AFF3: variants seen among roughly 807,000 people sequenced by gnomAD.
AFF3 encodes ALF transcription elongation factor 3.
AFF3 carries 32 observed loss-of-function variants against 129.7 expected under a neutral mutation model. The observed-to-expected ratio is 0.25, with a 90% CI of 0.19 to 0.33. AFF3 has a LOEUF of 0.33. Among genes scored for constraint, AFF3 ranks in the 10% least tolerant of loss-of-function variants. The pLI, the probability that AFF3 is intolerant of heterozygous loss-of-function variation, is 1.00. For missense variants in AFF3, 1,373 were observed against 1,592.0 expected, an observed-to-expected ratio of 0.86 and a Z score of 2.34; for synonymous variants, 644 against 635.4, an observed-to-expected ratio of 1.01 and a Z score of -0.20.
intron 11 of AFF3, among the ~76,000 whole-genome samples, chr2:99,701,067 G>A (rs758525982): frequency 1.6e-4 from 24 of 152,336 alleles, no homozygotes; most frequent in Non-Finnish European, 2.1e-4. Flanking sequence ...TAGGCATGCT[G>A]GACTCCATAG....
chr2:99,947,135 T>C (rs1382685933), intron 7 of AFF3, among the ~76,000 whole-genome samples: 1 of 152,124 alleles, frequency 6.6e-6, no homozygotes, highest in Admixed American at 6.6e-5. Context: ...ATATACGGGA[T>C]ATAAAGTCAG....
intron 24 of AFF3, 141 bp downstream of exon 24, chr2:99,554,170 G>A: frequency 1.1e-6 from 1 of 870,858 alleles, no homozygotes; most frequent in South Asian, 1.6e-5. Context: ...TTAGTGACAT[G>A]AGAAAATGCC....
chr2:99,919,693 A>G (rs906130392), intron 7 of AFF3, among the ~76,000 whole-genome samples: 1 of 152,186 alleles, frequency 6.6e-6, no homozygotes, highest in African/African-American at 2.4e-5. Flanking sequence ...AAATTAAACC[A>G]AAAGTATGCA....
At chr2:100,047,145 C>A (rs1262667037) in intron 4 of AFF3, among the ~76,000 whole-genome samples, 1 of 152,238 alleles carries the variant, frequency 6.6e-6, no homozygotes, top group Non-Finnish European at 1.5e-5. Context: ...CCAATGGCAC[C>A]CGTGCTGGAT....
chr2:100,044,838 T>C (rs1377880229), intron 4 of AFF3, among the ~76,000 whole-genome samples: 2 of 152,100 alleles, frequency 1.3e-5, no homozygotes, highest in East Asian at 2.0e-4. Flanking sequence ...GGGGGATGTC[T>C]GATGGGGCCT....
rs564257560 is a variant in AFF3 at position 100,126,162 on chromosome 2, G to A, written c.-145+3062C>T. Among the ~76,000 whole-genome samples the A allele has an allele frequency of 1.1e-4, 16 of 152,288 alleles. No homozygotes were observed. The South Asian group carries it at 2.7e-3, about 26-fold the overall frequency. ...GCGAATGAGATGTGCTGGGAATGCC[G>A]GGGAAATGGCTGGATTTTCTCCTCA... On this transcript the variant is annotated intron_variant, in intron 2 of 24. Coordinates refer to ENST00000672756, the MANE Select transcript of AFF3 (RefSeq NM_001386135.1).
At chr2:100,089,018 G>C (rs1238722166) in intron 4 of AFF3, among the ~76,000 whole-genome samples, 1 of 152,086 alleles carries the variant, frequency 6.6e-6, no homozygotes, top group Non-Finnish European at 1.5e-5. Context: ...TTTTAAAAAA[G>C]TGTTACACTT....
intron 2 of AFF3, among the ~76,000 whole-genome samples, chr2:100,112,817 G>C (rs1159849756): frequency 1.4e-5 from 2 of 141,200 alleles, no homozygotes; most frequent in Admixed American, 6.8e-5. Context: ...GGCCTGCCCT[G>C]CTCCACCACT....
chr2:99,601,474 C>G lies in AFF3; in HGVS notation c.1332G>C (p.Glu444Asp). The change falls in exon 14 of 25, where the codon GAG (glutamate) becomes GAC (aspartate). Residue 444 changes from glutamate to aspartate, a missense_variant. Transcript: ENST00000672756. ...AGTGGGGGGGCTTGCTGCCCTCACT[C>G]TCGCTGGAGCTGCTCTCGGTCTCCG... The part of the protein sequence containing the change: ...SDSETESSSS[E>D]SEGSKPPHFS... The G allele has an allele frequency of 6.2e-7, 1 of 1,609,642 alleles. No individual in the cohort carries two copies. The highest frequency in any genetic ancestry group is 8.5e-7 in the Non-Finnish European group (1 of 1,177,978).
At chr2:99,647,671 A>G (rs1397623871) in intron 13 of AFF3, among the ~76,000 whole-genome samples, 2 of 152,240 alleles carry the variant, frequency 1.3e-5, no homozygotes, top group Admixed American at 1.3e-4. Context: ...AGAAAGAAAG[A>G]AAAAAGAAAA....
intron 7 of AFF3, among the ~76,000 whole-genome samples, chr2:99,916,769 G>A (rs1345044523): frequency 6.6e-6 from 1 of 152,070 alleles, no homozygotes; most frequent in African/African-American, 2.4e-5. Context: ...CACTTCTTCA[G>A]ATGCAGCGGC....
intron 4 of AFF3, among the ~76,000 whole-genome samples, chr2:100,055,852 G>A (rs79290048): frequency 6.6e-6 from 1 of 152,016 alleles, no homozygotes; most frequent in Non-Finnish European, 1.5e-5. Flanking sequence ...TTCATTAGTT[G>A]ATCAATCTGT....
At chr2:100,102,399 T>G (rs983751347) in intron 4 of AFF3, among the ~76,000 whole-genome samples, 1 of 152,116 alleles carries the variant, frequency 6.6e-6, no homozygotes, top group Admixed American at 6.6e-5. Context: ...CAAGAAAGTC[T>G]ACATGCCTTC....
At chr2:99,941,078 C>T (rs1021578243) in intron 7 of AFF3, among the ~76,000 whole-genome samples, 3 of 152,174 alleles carry the variant, frequency 2.0e-5, no homozygotes, top group Non-Finnish European at 4.4e-5. Flanking sequence ...GCAGCACAGG[C>T]TGTGCTTCTG....
chr2:99,717,514 C>A (rs1484178155), intron 11 of AFF3, among the ~76,000 whole-genome samples: 2 of 152,090 alleles, frequency 1.3e-5, no homozygotes, highest in Non-Finnish European at 2.9e-5. Flanking sequence ...TGCTTATTGG[C>A]CAATTTGTGT....
At chr2:100,014,135 G>C (rs536173735) in intron 4 of AFF3, among the ~76,000 whole-genome samples, 1 of 151,028 alleles carries the variant, frequency 6.6e-6, no homozygotes, top group African/African-American at 2.4e-5. Flanking sequence ...TGGAGCACTC[G>C]CTCCAAGCAA....
At chr2:99,567,538 C>T (rs1162822344) in intron 19 of AFF3, among the ~76,000 whole-genome samples, 1 of 152,040 alleles carries the variant, frequency 6.6e-6, no homozygotes, top group African/African-American at 2.4e-5. Flanking sequence ...GTGATGGGGC[C>T]GCAGAGAGGC....
chr2:99,952,497 C>T (rs1011560022), intron 7 of AFF3, among the ~76,000 whole-genome samples: 4 of 152,198 alleles, frequency 2.6e-5, no homozygotes, highest in South Asian at 2.1e-4. Flanking sequence ...ACCCCTCTGT[C>T]CCGCTGCCCC....
intron 4 of AFF3, among the ~76,000 whole-genome samples, chr2:100,051,277 T>C (rs1337228952): frequency 1.3e-5 from 2 of 152,014 alleles, no homozygotes; most frequent in Non-Finnish European, 2.9e-5. Flanking sequence ...AGGTAAAAAG[T>C]ATTTTGAAAG....
Sources: allele counts gnomAD v4.1 joint callset (sites outside exome capture counted in the v4.1 genomes callset), GRCh38; gene constraint gnomAD v4.1.1; transcripts MANE v1.5; gene names NCBI Gene and HGNC (gene_info 2026-07-23, HGNC 2026-07-21).